The following DCLRE1C variants were observed in gnomAD, a reference collection of about 807,000 sequenced individuals.
DCLRE1C encodes the protein DNA cross-link repair 1C, also known as protein artemis.
DCLRE1C carries 47 observed loss-of-function variants against 61.4 expected under a neutral mutation model. That is an observed-to-expected ratio of 0.77 (90% confidence interval 0.61 to 0.98). DCLRE1C has a LOEUF of 0.98. Among genes scored for constraint, DCLRE1C ranks in the 50% least tolerant of loss-of-function variants. The pLI is 0.00. For synonymous variants in DCLRE1C, 337 were observed against 287.6 expected (o/e 1.17, Z -1.74); for missense variants, 858 against 816.0 (o/e 1.05, Z -0.63).
chr10:14,953,406 C>A (rs1377660786), intron 1 of DCLRE1C, among the ~76,000 whole-genome samples: 4 of 152,070 alleles, frequency 2.6e-5, no homozygotes, highest in East Asian at 3.9e-4. Flanking sequence ...TAAACTAGAA[C>A]GAAACTTTCA....
chr10:14,943,129 A>C (rs1302710246), intron 3 of DCLRE1C, among the ~76,000 whole-genome samples: 1 of 152,120 alleles, frequency 6.6e-6, no homozygotes, highest in Non-Finnish European at 1.5e-5. Flanking sequence ...TCTCAAAAAA[A>C]GGAAAAAAAA....
At chr10:14,928,736 G>A (rs955944987) in intron 9 of DCLRE1C, among the ~76,000 whole-genome samples, 1 of 151,930 alleles carries the variant, frequency 6.6e-6, no homozygotes, top group Admixed American at 6.6e-5. Context: ...CAGAGGAAGA[G>A]AGGTGCAAAG....
intron 13 of DCLRE1C, chr10:14,899,464 A>AT: frequency 6.7e-7 from 1 of 1,485,296 alleles, no homozygotes; most frequent in Non-Finnish European, 9.2e-7. Context: ...AGGTATTCGC[A>AT]TATTAGTAGA....
At chr10:14,936,463 A>G (rs1839937216) in intron 5 of DCLRE1C, 75 bp downstream of exon 5, 1 of 1,212,370 alleles carries the variant, frequency 8.2e-7, no homozygotes, top group African/African-American at 1.5e-5. Context: ...TTAATTTTAG[A>G]CCCTAAAAAT....
intron 13 of DCLRE1C, among the ~76,000 whole-genome samples, chr10:14,914,821 T>C (rs1835893059): frequency 6.6e-6 from 1 of 152,030 alleles, no homozygotes; most frequent in Admixed American, 6.5e-5. Context: ...GAGCCTGTAA[T>C]TCCAGCTACT....
At position 14,906,430 on chromosome 10, in the gene DCLRE1C, A is replaced by G. The variant is rs371571088; in HGVS notation, c.*1978T>C. ...TCACATATAAAACAAACGTAACAGT[A>G]TGTAATATTAATGTGATTATAAAAT... On this transcript the variant is annotated 3_prime_UTR_variant, in exon 14 of 14. Coordinates refer to ENST00000378278, the MANE Select transcript of DCLRE1C (RefSeq NM_001033855.3). Among the ~76,000 whole-genome samples, 1 of 152,250 alleles carries G rather than the reference A, an allele frequency of 6.6e-6. No individual in the cohort carries two copies. The highest frequency in any genetic ancestry group is 2.4e-5 in the African/African-American group (1 of 41,478).
In DCLRE1C at chr10:14,899,301, CAG is replaced by C. The variant is rs1393696221; in HGVS notation, c.1166_1167del (p.Ser389CysfsTer5). On this transcript the variant is annotated frameshift_variant, in exon 14 of 14. Transcript: ENST00000378289. LOFTEE classifies it high-confidence loss of function. ...CACCACCGCATTCTAGCCTGAGTGA[CAG>C]AGTGAGACCCTGTTTAAAAAAAAAA... 1 of 698,046 alleles carries C rather than the reference CAG, an allele frequency of 1.4e-6. No homozygotes were observed. Among genetic ancestry groups the C allele is most frequent in the African/African-American group, 1.8e-5 (1 of 56,864 alleles). The allele number at this position is 698,046 out of a possible 1,614,324, so 43.2% of individuals were successfully genotyped here. A position where few individuals can be genotyped will look rare whatever the true frequency, so the allele number is the denominator to read the frequency against.
At chr10:14,939,670 A>C in intron 4 of DCLRE1C, 140 bp downstream of exon 4, 6 of 730,324 alleles carry the variant, frequency 8.2e-6, no homozygotes, top group Non-Finnish European at 1.3e-5. Flanking sequence ...TTTATGGTTA[A>C]ATGAGCATTC....
chr10:14,930,907 C>T (rs1475697546), intron 9 of DCLRE1C, among the ~76,000 whole-genome samples: 2 of 152,192 alleles, frequency 1.3e-5, no homozygotes, highest in Non-Finnish European at 2.9e-5. Context: ...ATTTACACTG[C>T]AGCTCTCACC....
chr10:14,953,897 C>T lies in DCLRE1C; in HGVS notation c.109+5G>A. 6.2e-7 allele frequency: 1 copy of T among 1,613,938 alleles called. No homozygotes were observed. The highest frequency in any genetic ancestry group is 8.5e-7 in the Non-Finnish European group (1 of 1,179,920). On this transcript the variant is annotated splice_donor_5th_base_variant and intron_variant, in intron 1 of 13. Coordinates refer to ENST00000378278, the MANE Select transcript of DCLRE1C (RefSeq NM_001033855.3). ...GGGAGCGGGCGACGCGCAGCCCTCA[C>T]TCACCTTTGTGGCAGTGGGACAGGA...
At chr10:14,954,321 G>A (rs1842871699), upstream of DCLRE1C, 1 of 472,354 alleles carries the variant, frequency 2.1e-6, no homozygotes, top group East Asian at 4.1e-5. Flanking sequence ...CGTTGCCCAT[G>A]TCTGTGGAGG....
rs377639023 is a variant in DCLRE1C at position 14,908,404 on chromosome 10, A to G, written c.*4T>C. The G allele has an allele frequency of 1.9e-4, 309 of 1,611,478 alleles. 1 individual carries two copies. In the African/African-American group the frequency reaches 3.4e-3, roughly 18 times the overall value. ...GTTGCTCTAGGTTGAAACGCTTTGAATTCTTAGGTATCTAAGAGTGAGCAT... is the reference window on the plus strand; with the variant it reads ...GTTGCTCTAGGTTGAAACGCTTTGAGTTCTTAGGTATCTAAGAGTGAGCAT... On this transcript the variant is annotated 3_prime_UTR_variant, in exon 14 of 14. Coordinates refer to ENST00000378278, the MANE Select transcript of DCLRE1C (RefSeq NM_001033855.3).
At chr10:14,927,993 G>A (rs1838307204) in intron 10 of DCLRE1C, 23 bp downstream of exon 10, 1 of 1,612,476 alleles carries the variant, frequency 6.2e-7, no homozygotes, top group Non-Finnish European at 8.5e-7. Context: ...TCTCTCAGAA[G>A]ACCTATGATA....
At chr10:14,902,253 C>A (rs890128196), downstream of DCLRE1C, among the ~76,000 whole-genome samples, 1 of 152,200 alleles carries the variant, frequency 6.6e-6, no homozygotes, top group Non-Finnish European at 1.5e-5. Flanking sequence ...AGGGAACTAA[C>A]TACATTTCCT....
chr10:14,946,321 T>G (rs1341378858), intron 2 of DCLRE1C, among the ~76,000 whole-genome samples: 2 of 152,138 alleles, frequency 1.3e-5, no homozygotes, highest in Non-Finnish European at 2.9e-5. Context: ...AATAAACTTT[T>G]AAAACTTAAC....
chr10:14,952,263 C>A (rs1842559468), intron 1 of DCLRE1C, among the ~76,000 whole-genome samples: 3 of 152,162 alleles, frequency 2.0e-5, no homozygotes, highest in Admixed American at 2.0e-4. Context: ...GGCATATCCT[C>A]GTCCAGCAGT....
chr10:14,954,113 T>A, upstream of DCLRE1C: 1 of 1,579,804 alleles, frequency 6.3e-7, no homozygotes, highest in East Asian at 2.3e-5. Context: ...TGCCTCGCCA[T>A]TGGGCGGCCG....
chr10:14,918,840 C>A (rs553441343), intron 13 of DCLRE1C, among the ~76,000 whole-genome samples: 1 of 152,256 alleles, frequency 6.6e-6, no homozygotes, highest in African/African-American at 2.4e-5. Context: ...AAATTAGATT[C>A]TCCATGAGCA....
chr10:14,937,628 T>C (rs771506600), intron 4 of DCLRE1C, among the ~76,000 whole-genome samples: 4 of 152,020 alleles, frequency 2.6e-5, no homozygotes, highest in East Asian at 1.9e-4. Flanking sequence ...CGGTGGCTCA[T>C]GCCTGTAATT....
Sources: gnomAD v4.1 joint callset for allele counts (sites outside exome capture counted in the v4.1 genomes callset) on GRCh38, gnomAD v4.1.1 for gene constraint, MANE v1.5 for transcripts, NCBI Gene and HGNC (gene_info 2026-07-23, HGNC 2026-07-21) for gene names.